The following ADGRL1 variants were observed in gnomAD, a reference collection of about 807,000 sequenced individuals.
The protein encoded by ADGRL1 is CIRL-1.
ADGRL1 carries 31 observed loss-of-function variants against 148.9 expected under a neutral mutation model. That is an observed-to-expected ratio of 0.21 (90% CI 0.16 to 0.28). The LOEUF (loss-of-function observed/expected upper bound fraction) is 0.28. Ranked by LOEUF, ADGRL1 falls within the 10% of genes least tolerant of loss-of-function variation. The pLI is 1.00. For synonymous variants in ADGRL1, 937 were observed against 900.3 expected (o/e 1.04, Z -0.73); for missense variants, 1,521 against 2,058.8 (o/e 0.74, Z 5.05).
chr19:14,180,341 T>C (rs771306135), intron 2 of ADGRL1, among the ~76,000 whole-genome samples: 50 of 152,092 alleles, frequency 3.3e-4, no homozygotes, highest in Admixed American at 1.2e-3. Context: ...CTGCAACCTC[T>C]GCCTCCCAGG....
chr19:14,195,491 G>A (rs1294293679), intron 1 of ADGRL1, among the ~76,000 whole-genome samples: 4 of 151,802 alleles, frequency 2.6e-5, no homozygotes, highest in African/African-American at 9.7e-5. Flanking sequence ...GAACCAAGGT[G>A]GGGATCTGGG....
intron 12 of ADGRL1, 120 bp from the exon 13 acceptor site, chr19:14,158,172 G>C: frequency 8.0e-7 from 1 of 1,255,070 alleles, no homozygotes. Flanking sequence ...TGGGGTCTGG[G>C]GCTCCAGTTG....
intron 1 of ADGRL1, among the ~76,000 whole-genome samples, chr19:14,184,163 G>C (rs1380944212): frequency 6.6e-6 from 1 of 152,154 alleles, no homozygotes; most frequent in Non-Finnish European, 1.5e-5. Flanking sequence ...CCAGCCCCCT[G>C]CTTCCTGTCT....
intron 3 of ADGRL1, among the ~76,000 whole-genome samples, chr19:14,172,055 G>A (rs1663316371): frequency 6.6e-6 from 1 of 152,208 alleles, no homozygotes; most frequent in South Asian, 2.1e-4. Context: ...CTAGCAGGGA[G>A]AGAGAAAAAT....
Position 14,157,755 on chromosome 19 carries a change from G to T in ADGRL1, c.2535+127C>A. ...ACGCATGGCCTCATGCCCCAGGCAA[G>T]ACCAGGGGCCCCCCACACCCATGGG... is the stretch of plus-strand genomic sequence containing the variant. On this transcript the variant is annotated intron_variant, in intron 13 of 22. Transcript: ENST00000361434. This position sits in a 1 kb window ranked among gnomAD's most constrained non-coding sequence, Gnocchi z 7.5. 1 of 1,183,286 alleles carries T rather than the reference G, an allele frequency of 8.5e-7. No homozygotes were observed. The highest frequency in any genetic ancestry group is 1.2e-6 in the Non-Finnish European group (1 of 855,946). The allele number at this position is 1,183,286 out of a possible 1,614,324, so 73.3% of individuals were successfully genotyped here. A position where few individuals can be genotyped will look rare whatever the true frequency, so the allele number is the denominator to read the frequency against.
rs1968077095 is a variant in ADGRL1, at chr19:14,150,745, T to C, written c.*128A>G. 2.5e-6 allele frequency: 3 copies of C among 1,185,156 alleles called. No individual in the cohort carries two copies. Among genetic ancestry groups the C allele is most frequent in the Admixed American group, 2.4e-5 (1 of 42,504 alleles). 73.4% of individuals were successfully genotyped at this position (1,185,156 alleles called of 1,614,324 possible). On this transcript the variant is annotated 3_prime_UTR_variant, in exon 23 of 23. Transcript: ENST00000361434. The stretch of plus-strand genomic sequence containing the variant: ...TCCCCTGAGGGGACTGTAGGGCCCA[T>C]GGCTGAGGGGCACCTGGAGAGAGTG...
rs1403955205 is a variant in ADGRL1, at chr19:14,158,567, C to T, written c.2150-15G>A. On this transcript the variant is annotated splice_polypyrimidine_tract_variant and intron_variant, in intron 11 of 22. Coordinates refer to ENST00000361434, the MANE Select transcript of ADGRL1 (RefSeq NM_014921.5). ...TTTGACCACCCCTGGTGAGAACAGG[C>T]ACGTTTGGATGTGTCAGCATCCTCA... 9 of 1,606,286 alleles carry T rather than the reference C, an allele frequency of 5.6e-6. 1 individual carries two copies. The South Asian group carries it at 7.7e-5, about 14-fold the overall frequency.
chr19:14,182,737 C>T (rs1055138705), intron 2 of ADGRL1, among the ~76,000 whole-genome samples: 4 of 152,178 alleles, frequency 2.6e-5, no homozygotes, highest in Non-Finnish European at 5.9e-5. Flanking sequence ...TGGGGCAGGA[C>T]CTGGATGGGC....
In ADGRL1 at chr19:14,160,048, C is replaced by A; in HGVS notation, c.1800+64G>T. On this transcript the variant is annotated intron_variant, in intron 8 of 22. Transcript: ENST00000361434. The surrounding 1 kb of genome is among the most constrained non-coding windows in gnomAD (Gnocchi z 5.9). Reference sequence around the variant, plus strand: ...TGGCTGGGAGGTACCAGGTCAGGTACTTCCCAAGCCCCTGGGGGCAGGCGC... The same window carrying A: ...TGGCTGGGAGGTACCAGGTCAGGTAATTCCCAAGCCCCTGGGGGCAGGCGC... The A allele has an allele frequency of 1.3e-6, 2 of 1,497,480 alleles. No homozygotes were observed. The highest frequency in any genetic ancestry group is 4.6e-5 in the East Asian group (2 of 43,382). 92.8% of individuals were successfully genotyped at this position (1,497,480 alleles called of 1,614,324 possible).
chr19:14,158,951 G>C (rs187823551), intron 11 of ADGRL1, 139 bp downstream of exon 11: 1 of 1,089,914 alleles, frequency 9.2e-7, no homozygotes, highest in African/African-American at 1.6e-5. Flanking sequence ...CAGGGCCCAT[G>C]AATCCCCTCA....
intron 1 of ADGRL1, among the ~76,000 whole-genome samples, chr19:14,195,375 T>G (rs1599515275): frequency 6.7e-6 from 1 of 149,010 alleles, no homozygotes; most frequent in Non-Finnish European, 1.5e-5. Flanking sequence ...AAGCGGCTGC[T>G]GGGGGAGAGG....
At position 14,155,842 on chromosome 19, in the gene ADGRL1, C is replaced by T. The variant is rs1240618324; in HGVS notation, c.3125+268G>A. On this transcript the variant is annotated intron_variant, in intron 17 of 22. Coordinates refer to ENST00000361434, the MANE Select transcript of ADGRL1 (RefSeq NM_014921.5). This position sits in a 1 kb window ranked among gnomAD's most constrained non-coding sequence, Gnocchi z 5.0. Reference sequence around the variant, plus strand: ...TGCTGCCTATTTCTCTTTAAGTTGCCCTTAAACAGACTCACCTTTTGAATT... The same window carrying T: ...TGCTGCCTATTTCTCTTTAAGTTGCTCTTAAACAGACTCACCTTTTGAATT... 7 of 580,118 alleles carry T rather than the reference C, an allele frequency of 1.2e-5. No homozygotes were observed. Among genetic ancestry groups the T allele is most frequent in the African/African-American group, 1.9e-5 (1 of 53,532 alleles). 35.9% of individuals were successfully genotyped at this position (580,118 alleles called of 1,614,324 possible).
At chr19:14,156,032 G>A in intron 17 of ADGRL1, 78 bp downstream of exon 17, 1 of 1,123,164 alleles carries the variant, frequency 8.9e-7, no homozygotes, top group Non-Finnish European at 1.3e-6. Flanking sequence ...CTACCTTTTA[G>A]GACACCCTGG....
intron 3 of ADGRL1, among the ~76,000 whole-genome samples, chr19:14,174,840 T>G (rs1372450271): frequency 1.9e-5 from 2 of 106,336 alleles, no homozygotes; most frequent in East Asian, 2.4e-4. Context: ...CTGGTCTGTT[T>G]TTTTTTTTTT....
chr19:14,158,992 AC>A, intron 11 of ADGRL1, 97 bp downstream of exon 11: 1 of 1,427,178 alleles, frequency 7.0e-7, no homozygotes, highest in East Asian at 2.3e-5. Context: ...AAAGGTCAGC[AC>A]CGCTGCCCTC....
At chr19:14,192,601 C>T (rs1489179454) in intron 1 of ADGRL1, among the ~76,000 whole-genome samples, 6 of 151,768 alleles carry the variant, frequency 4.0e-5, no homozygotes, top group Admixed American at 1.3e-4. Context: ...AATGCATTGG[C>T]GTGATCTTGG....
Position 14,160,252 on chromosome 19 carries a change from G to C in ADGRL1, c.1660C>G (p.Arg554Gly). 1 of 1,594,546 alleles carries C rather than the reference G, an allele frequency of 6.3e-7. No individual in the cohort carries two copies. ...GCGTAGATGGAGCCCCGGGTGTGTC[G>C]GGCCAGCTCGCTGGCGATGTTGGCC... ...NAANIASELA[R>G]HTRGSIYAGD... The change falls in exon 8 of 23, where the codon CGA becomes GGA. Residue 554 changes from arginine (R) to glycine (G), a missense_variant. By Grantham distance (125) the Arg-to-Gly change is moderately radical (BLOSUM62 -2). Around this residue, in one of 8 missense-constraint regions of ADGRL1, gnomAD observed 270 missense variants for 320.4 expected, o/e 0.84. Transcript: ENST00000361434. The surrounding 1 kb of genome is among the most constrained non-coding windows in gnomAD (Gnocchi z 5.9).
chr19:14,157,791 C>G lies in ADGRL1; in HGVS notation c.2535+91G>C. ...CCCCACACCCATGGGGCTAGCCTCC[C>G]CTGGTACTGCCCGTGATCTCTCTAG... On this transcript the variant is annotated intron_variant, in intron 13 of 22. Transcript: ENST00000361434. This position sits in a 1 kb window ranked among gnomAD's most constrained non-coding sequence, Gnocchi z 7.5. 5.4e-6 allele frequency: 8 copies of G among 1,481,030 alleles called. No individual in the cohort carries two copies. Among genetic ancestry groups the G allele is most frequent in the Non-Finnish European group, 7.3e-6 (8 of 1,098,800 alleles). The allele number at this position is 1,481,030 out of a possible 1,614,324, so 91.7% of individuals were successfully genotyped here. A position where few individuals can be genotyped will look rare whatever the true frequency, so the allele number is the denominator to read the frequency against.
chr19:14,201,417 A>AT (rs59270792), intron 1 of ADGRL1, among the ~76,000 whole-genome samples: 58 of 138,308 alleles, frequency 4.2e-4, no homozygotes, highest in Non-Finnish European at 4.7e-4. Flanking sequence ...AGGCAGGGGC[A>AT]TTTTTTTTTT....
Sources: allele counts gnomAD v4.1 joint callset (sites outside exome capture counted in the v4.1 genomes callset), GRCh38; gene constraint gnomAD v4.1.1; regional missense constraint gnomAD v4.1.1; non-coding constraint Gnocchi (gnomAD v3.1); transcripts MANE v1.5; gene names NCBI Gene and HGNC (gene_info 2026-07-23, HGNC 2026-07-21).